The following LRCH1 variants were observed in gnomAD, a reference collection of about 807,000 sequenced individuals.
LRCH1 encodes the protein leucine rich repeats and calponin homology domain containing 1.
LRCH1 carries 23 observed loss-of-function variants against 94.9 expected under a neutral mutation model. The observed-to-expected ratio is 0.24, with a 90% CI of 0.17 to 0.34. The LOEUF (loss-of-function observed/expected upper bound fraction) is 0.34, where lower values mean the gene tolerates loss of function less well. LRCH1 is among the 10% of genes least tolerant of loss of function. The pLI is 1.00. For missense variants in LRCH1, 790 were observed against 945.9 expected (o/e 0.84, Z 2.16); for synonymous variants, 364 against 354.9 (o/e 1.03, Z -0.29).
intron 1 of LRCH1, among the ~76,000 whole-genome samples, chr13:46,638,323 A>G (rs1291380321): frequency 2.0e-5 from 3 of 152,226 alleles, no homozygotes; most frequent in Non-Finnish European, 4.4e-5. Flanking sequence ...TTTTTTGGAT[A>G]AAACTTGTGG....
At chr13:46,562,244 T>A (rs1229511372) in intron 1 of LRCH1, among the ~76,000 whole-genome samples, 1 of 152,236 alleles carries the variant, frequency 6.6e-6, no homozygotes, top group Non-Finnish European at 1.5e-5. Flanking sequence ...CTCAGTGTCA[T>A]CCACTGTATT....
intron 5 of LRCH1, 29 bp downstream of exon 5, chr13:46,686,070 C>A: frequency 6.7e-7 from 1 of 1,488,934 alleles, no homozygotes; most frequent in South Asian, 1.5e-5. Context: ...AAGCCAATGC[C>A]CCATGGGATG....
intron 1 of LRCH1, among the ~76,000 whole-genome samples, chr13:46,625,631 G>GTTTTTTTTTTTTTTTTTTTTTTT (rs149512536): frequency 7.9e-6 from 1 of 126,266 alleles, no homozygotes; most frequent in African/African-American, 2.9e-5. Flanking sequence ...AAATGTGTGG[G>GTTTTTTTTTTTTTTTTTTTTTTT]GTTTTTTTTT....
chr13:46,619,346 A>G (rs111917146), intron 1 of LRCH1, among the ~76,000 whole-genome samples: 4 of 151,970 alleles, frequency 2.6e-5, no homozygotes, highest in African/African-American at 7.3e-5. Flanking sequence ...CTTGGCCTCA[A>G]GTGATCCGCC....
intron 3 of LRCH1, among the ~76,000 whole-genome samples, chr13:46,673,295 G>A (rs371061296): frequency 2.0e-5 from 3 of 152,028 alleles, no homozygotes; most frequent in Admixed American, 1.3e-4. Flanking sequence ...ATGAGCAAGC[G>A]TGATCTTTGG....
chr13:46,659,279 G>A (rs184502984), intron 2 of LRCH1, among the ~76,000 whole-genome samples: 50 of 152,060 alleles, frequency 3.3e-4, no homozygotes, highest in African/African-American at 1.1e-3. Flanking sequence ...TGCAGCCTCC[G>A]CTTCGTGGGT....
chr13:46,642,187 A>G (rs1399957345), intron 1 of LRCH1, among the ~76,000 whole-genome samples: 1 of 152,236 alleles, frequency 6.6e-6, no homozygotes, highest in Non-Finnish European at 1.5e-5. Flanking sequence ...ACTTACTTTT[A>G]GTACAGAGCT....
chr13:46,650,200 G>A lies in LRCH1; in HGVS notation c.308-1G>A. ...GAAAATATTCTCTCCTTTTCTTATA[G>A]ACTTATCTAAAAACAGACTGGTTGA... is the stretch of plus-strand genomic sequence containing the variant. On this transcript the variant is annotated splice_acceptor_variant, in intron 1 of 19. Transcript: ENST00000389797. LOFTEE classifies it high-confidence loss of function. 6.2e-7 allele frequency: 1 copy of A among 1,606,438 alleles called. No homozygotes were observed. The highest frequency in any genetic ancestry group is 1.1e-5 in the South Asian group (1 of 89,556).
chr13:46,752,225 T>G (rs1013948832), exon 19 of LRCH1: 1 of 152,260 alleles, frequency 6.6e-6, no homozygotes, highest in African/African-American at 2.4e-5. Flanking sequence ...TCCCAGTAAT[T>G]AACCTTTCTA....
chr13:46,622,001 A>G (rs2050885724), intron 1 of LRCH1, among the ~76,000 whole-genome samples: 2 of 152,228 alleles, frequency 1.3e-5, no homozygotes, highest in African/African-American at 4.8e-5. Context: ...GACTCCAAAC[A>G]TAAAGCAAAC....
intron 1 of LRCH1, among the ~76,000 whole-genome samples, chr13:46,593,856 T>A (rs2050528774): frequency 6.6e-6 from 1 of 152,240 alleles, no homozygotes; most frequent in South Asian, 2.1e-4. Context: ...TTTGGTGAAG[T>A]TGGACCACAA....
At chr13:46,740,416 A>C (rs576849068) in intron 19 of LRCH1, among the ~76,000 whole-genome samples, 2 of 152,384 alleles carry the variant, frequency 1.3e-5, no homozygotes, top group South Asian at 4.1e-4. Context: ...CTAATTTTGT[A>C]GTATTCCTAC....
chr13:46,562,817 A>G (rs2050143913), intron 1 of LRCH1, among the ~76,000 whole-genome samples: 1 of 152,180 alleles, frequency 6.6e-6, no homozygotes, highest in Non-Finnish European at 1.5e-5. Flanking sequence ...TGCACACACT[A>G]GCTACACCTG....
chr13:46,711,834 C>A lies in LRCH1; in HGVS notation c.1571C>A (p.Ser524Tyr). The change falls in exon 14 of 20, where the codon TCT becomes TAT. Residue 524 changes from serine to tyrosine, a missense_variant. Coordinates refer to ENST00000389797, the MANE Select transcript of LRCH1 (RefSeq NM_001164211.2). ...TTACAGAGTAACGGGAGCCAGTATT[C>A]TCCAAATGAGGTAAGTTTCTTGAAG... The part of the protein sequence containing the change: ...LTLQSNGSQY[S>Y]PNEIRENSPA... 1 of 1,612,892 alleles carries A rather than the reference C, an allele frequency of 6.2e-7. No individual in the cohort carries two copies. Among genetic ancestry groups the A allele is most frequent in the Admixed American group, 1.7e-5 (1 of 59,968 alleles).
intron 1 of LRCH1, among the ~76,000 whole-genome samples, chr13:46,618,585 G>A (rs2050840201): frequency 1.3e-5 from 2 of 152,176 alleles, no homozygotes; most frequent in Non-Finnish European, 2.9e-5. Flanking sequence ...TTCATTTATA[G>A]AATTCTTCTG....
At chr13:46,648,204 GCACAGTT>G (rs2051247488) in intron 1 of LRCH1, among the ~76,000 whole-genome samples, 1 of 152,154 alleles carries the variant, frequency 6.6e-6, no homozygotes, top group South Asian at 2.1e-4. Flanking sequence ...TCTCTTGCCT[GCACAGTT>G]CACAATAGGG....
At chr13:46,636,837 C>T (rs758834552) in intron 1 of LRCH1, among the ~76,000 whole-genome samples, 10 of 152,164 alleles carry the variant, frequency 6.6e-5, no homozygotes, top group Admixed American at 1.3e-4. Flanking sequence ...AGTGTTCTTC[C>T]TCTTGTTGCC....
At chr13:46,583,747 A>G (rs1412330366) in intron 1 of LRCH1, among the ~76,000 whole-genome samples, 1 of 150,304 alleles carries the variant, frequency 6.7e-6, no homozygotes, top group African/African-American at 2.4e-5. Flanking sequence ...CTCTTGTTTC[A>G]GCTACGGAAT....
intron 1 of LRCH1, among the ~76,000 whole-genome samples, chr13:46,585,304 G>A (rs150156999): frequency 1.3e-5 from 2 of 152,244 alleles, no homozygotes; most frequent in African/African-American, 2.4e-5. Flanking sequence ...AGAGCCGGGC[G>A]TGGTGGCTCA....
Sources: gnomAD v4.1 joint callset for allele counts (sites outside exome capture counted in the v4.1 genomes callset) on GRCh38, gnomAD v4.1.1 for gene constraint, MANE v1.5 for transcripts, NCBI Gene and HGNC (gene_info 2026-07-23, HGNC 2026-07-21) for gene names.